Variants in BOC observed in about 807,000 individuals in gnomAD.
BOC encodes the protein BOC cell adhesion associated, oncogene regulated, also known as brother of CDO.
In BOC, 76 loss-of-function variants were observed where a neutral mutation model predicts 112.0. The ratio of observed to expected loss-of-function variants is 0.68; its 90% CI spans 0.56 to 0.82. The LOEUF is 0.82. Among genes scored for constraint, BOC ranks in the 40% least tolerant of loss-of-function variants. The pLI is 0.00. For synonymous variants in BOC, 580 were observed against 599.8 expected (o/e 0.97, Z 0.48); for missense variants, 1,309 against 1,511.7 (o/e 0.87, Z 2.22).
chr3:113,230,218 T>G (rs1181083715), intron 2 of BOC, among the ~76,000 whole-genome samples: 2 of 152,168 alleles, frequency 1.3e-5, no homozygotes, highest in East Asian at 1.9e-4. Context: ...ATTTCAATAC[T>G]CAGACACTCA....
At chr3:113,250,484 G>A (rs955371360) in intron 3 of BOC, 71 bp from the exon 4 acceptor site, 81 of 1,528,086 alleles carry the variant, frequency 5.3e-5, no homozygotes, top group Non-Finnish European at 5.8e-5. Flanking sequence ...CCTGGGTGCA[G>A]TGCTTCTAAA....
rs1254905994 is a variant in BOC at position 113,272,546 on chromosome 3, G to A, written c.804G>A (p.Gly268=). 2.5e-6 allele frequency: 4 copies of A among 1,613,938 alleles called. No individual in the cohort carries two copies. Among genetic ancestry groups the A allele is most frequent in the Non-Finnish European group, 3.4e-6 (4 of 1,179,994 alleles). The part of the protein sequence containing the change: ...PPPRVTWAKD[G]SSVTGYNKTR... ...CACGGGTCACCTGGGCCAAGGATGG[G>A]TCCAGTGTCACCGGCTACAACAAGA... is the stretch of plus-strand genomic sequence containing the variant. The change falls in exon 7 of 20, where the codon GGG becomes GGA. Residue 268 remains glycine (G), a synonymous_variant. Coordinates refer to ENST00000682979, the MANE Select transcript of BOC (RefSeq NM_001378074.1).
chr3:113,273,239 G>T lies in BOC; in HGVS notation c.1132G>T (p.Val378Leu). Residue 378 changes from valine to leucine, a missense_variant, in exon 8 of 20, where the codon GTG becomes TTG. Physicochemically the swap from Val to Leu is conservative, Grantham distance 32. Transcript: ENST00000682979. ...RLRLSRRALR[V>L]LSMGPEDEGV... ...CCGGCTCTCCCGCAGGGCCCTGCGCGTGCTCAGCATGGGGCCTGAGGACGA... is the reference window on the plus strand; with the variant it reads ...CCGGCTCTCCCGCAGGGCCCTGCGCTTGCTCAGCATGGGGCCTGAGGACGA... 1.2e-6 allele frequency: 2 copies of T among 1,613,546 alleles called. No homozygotes were observed. Among genetic ancestry groups the T allele is most frequent in the Non-Finnish European group, 1.7e-6 (2 of 1,179,958 alleles).
chr3:113,243,538 G>A (rs988262555), intron 2 of BOC, among the ~76,000 whole-genome samples: 1 of 152,148 alleles, frequency 6.6e-6, no homozygotes, highest in African/African-American at 2.4e-5. Context: ...TGATTTATAA[G>A]TAGAGAAGTA....
rs577127093 is a variant in BOC at position 113,211,725 on chromosome 3, G to A, written c.-461G>A. On this transcript the variant is annotated 5_prime_UTR_variant, in exon 1 of 20. Transcript: ENST00000682979. ...GCGCGCGCGCACAGACACACACACA[G>A]AGACACACAAACACACACAGAAAAG... The A allele has an allele frequency of 6.6e-6, 1 of 152,010 alleles. No homozygotes were observed. Among genetic ancestry groups the A allele is most frequent in the African/African-American group, 2.4e-5 (1 of 41,318 alleles). The allele number at this position is 152,010 out of a possible 1,614,324, so 9.4% of individuals were successfully genotyped here.
intron 2 of BOC, among the ~76,000 whole-genome samples, chr3:113,232,562 AGTGTGTGTGT>A (rs10696107): frequency 2.6e-4 from 39 of 149,416 alleles, no homozygotes; most frequent in East Asian, 1.8e-3. Context: ...TTGCTGTGCG[AGTGTGTGTGT>A]GTGTGTGTGT....
rs943938778 is a variant in BOC, at chr3:113,282,312, G to A, written c.2435-1099G>A. ...TTGAGAACTGGGGCTCTAAAGTAAA[G>A]GTAAAGAGAAGGGATGGGTTTGAGT... On this transcript the variant is annotated intron_variant, in intron 15 of 19. Coordinates refer to ENST00000682979, the MANE Select transcript of BOC (RefSeq NM_001378074.1). Among the ~76,000 whole-genome samples the A allele has an allele frequency of 3.9e-5, 6 of 152,284 alleles. No individual in the cohort carries two copies. The South Asian group carries it at 1.0e-3, about 26-fold the overall frequency.
rs528838980 is a variant in BOC, at chr3:113,230,563, C to T, written c.-82+14289C>T. Among the ~76,000 whole-genome samples, 136 of 152,330 alleles carry T rather than the reference C, an allele frequency of 8.9e-4. 2 individuals carry two copies. The Middle Eastern group carries it at 0.017, about 19-fold the overall frequency. On this transcript the variant is annotated intron_variant, in intron 2 of 19. Transcript: ENST00000682979. Reference sequence around the variant, plus strand: ...GCATCTGTGTAATGGGATGAGAATACTACCGACCTCATATAGTTGTTTAGT... The same window carrying T: ...GCATCTGTGTAATGGGATGAGAATATTACCGACCTCATATAGTTGTTTAGT...
At chr3:113,277,880 G>A (rs1274308971) in intron 9 of BOC, among the ~76,000 whole-genome samples, 1 of 152,328 alleles carries the variant, frequency 6.6e-6, no homozygotes, top group African/African-American at 2.4e-5. Flanking sequence ...ATCATTAGAC[G>A]AGGGATCAGG....
intron 4 of BOC, among the ~76,000 whole-genome samples, chr3:113,264,513 C>T (rs1420862076): frequency 6.6e-6 from 1 of 152,128 alleles, no homozygotes; most frequent in African/African-American, 2.4e-5. Flanking sequence ...CCTAGGGACT[C>T]GGCCAGGAAA....
At chr3:113,282,313 G>A (rs1281401931) in intron 15 of BOC, among the ~76,000 whole-genome samples, 7 of 152,198 alleles carry the variant, frequency 4.6e-5, no homozygotes, top group African/African-American at 1.7e-4. Context: ...TAAAGTAAAG[G>A]TAAAGAGAAG....
intron 2 of BOC, 177 bp downstream of exon 2, chr3:113,216,451 T>C (rs1434048179): frequency 2.9e-6 from 1 of 340,584 alleles, no homozygotes; most frequent in Admixed American, 3.7e-5. Flanking sequence ...TATGCTCTTT[T>C]AGTCAAAGCC....
At chr3:113,227,156 A>G (rs1276139441) in intron 2 of BOC, among the ~76,000 whole-genome samples, 1 of 152,216 alleles carries the variant, frequency 6.6e-6, no homozygotes, top group Non-Finnish European at 1.5e-5. Flanking sequence ...TTCTCCCACA[A>G]GAACCCATAT....
At position 113,272,570 on chromosome 3, in the gene BOC, G is replaced by T. The variant is rs1948235359; in HGVS notation, c.828G>T (p.Lys276Asn). 16 of 1,614,090 alleles carry T rather than the reference G, an allele frequency of 9.9e-6. No individual in the cohort carries two copies. The highest frequency in any genetic ancestry group is 1.1e-5 in the Non-Finnish European group (13 of 1,180,000). ...GGTCCAGTGTCACCGGCTACAACAA[G>T]ACGCGCTTCCTGCTGAGCAACCTCC... ...KDGSSVTGYN[K>N]TRFLLSNLLI... Residue 276 changes from lysine to asparagine, a missense_variant, in exon 7 of 20, where the codon AAG (lysine) becomes AAT (asparagine). Transcript: ENST00000682979.
chr3:113,286,752 T>C lies in BOC; in HGVS notation c.3238T>C (p.Trp1080Arg). ...PDSCQVSGGD[W>R]CPQHPVGAYV... ...CTCCTGCCAAGTGAGTGGAGGAGAC[T>C]GGTGTCCCCAGCACCCCGTAGGGGC... Residue 1080 changes from tryptophan (W) to arginine (R), a missense_variant, in exon 20 of 20, where the codon TGG (tryptophan) becomes CGG (arginine). Coordinates refer to ENST00000682979, the MANE Select transcript of BOC (RefSeq NM_001378074.1). The C allele has an allele frequency of 6.2e-7, 1 of 1,613,880 alleles. No homozygotes were observed. Among genetic ancestry groups the C allele is most frequent in the Non-Finnish European group, 8.5e-7 (1 of 1,179,856 alleles).
At chr3:113,285,232 C>T in intron 18 of BOC, 140 bp from the exon 19 acceptor site, 1 of 730,170 alleles carries the variant, frequency 1.4e-6, no homozygotes. Flanking sequence ...TCTTGATGTT[C>T]AAAGGGGAGA....
At chr3:113,221,914 T>C (rs1227148642) in intron 2 of BOC, among the ~76,000 whole-genome samples, 1 of 152,206 alleles carries the variant, frequency 6.6e-6, no homozygotes, top group Non-Finnish European at 1.5e-5. Context: ...GTTAGCCTCC[T>C]GATTGCTGCT....
In BOC at chr3:113,274,660, A is replaced by G. The variant is rs778774315; in HGVS notation, c.1520A>G (p.Tyr507Cys). The G allele has an allele frequency of 8.7e-6, 14 of 1,600,644 alleles. No individual in the cohort carries two copies. The highest frequency in any genetic ancestry group is 1.2e-5 in the Non-Finnish European group (14 of 1,170,222). The change falls in exon 9 of 20, where the codon TAC becomes TGC. Residue 507 changes from tyrosine to cysteine, a missense_variant. Transcript: ENST00000682979. This position sits in a 1 kb window ranked among gnomAD's most constrained non-coding sequence, Gnocchi z 4.8. ...GGCAGTGGCCGGGCGCCAATCCTCT[A>G]CTATGTGGTGAAACACCGCAAGGTA... Reference protein sequence around the residue: ...HEGSGRAPILYYVVKHRKQVT... With the variant: ...HEGSGRAPILCYVVKHRKQVT...
At chr3:113,254,139 G>C (rs759709717) in intron 4 of BOC, among the ~76,000 whole-genome samples, 1 of 152,196 alleles carries the variant, frequency 6.6e-6, no homozygotes, top group Non-Finnish European at 1.5e-5. Context: ...TGGCAGAAAG[G>C]ACAAAGGGAA....
Sources: allele counts gnomAD v4.1 joint callset (sites outside exome capture counted in the v4.1 genomes callset), GRCh38; gene constraint gnomAD v4.1.1; non-coding constraint Gnocchi (gnomAD v3.1); transcripts MANE v1.5; gene names NCBI Gene and HGNC (gene_info 2026-07-23, HGNC 2026-07-21).